The following NOTCH3 variants were observed in gnomAD, a reference collection of about 807,000 sequenced individuals.
The protein encoded by NOTCH3 is neurogenic locus notch homolog protein 3.
A neutral mutation model predicts 213.3 loss-of-function variants in NOTCH3; 86 were observed. The ratio of observed to expected loss-of-function variants is 0.40; its 90% CI spans 0.34 to 0.48. The LOEUF (loss-of-function observed/expected upper bound fraction) is 0.48, where lower values mean the gene tolerates loss of function less well. Among genes scored for constraint, NOTCH3 ranks in the 20% least tolerant of loss-of-function variants. The probability of loss-of-function intolerance (pLI) is 0.57; values close to 1 mark genes in which losing one functional copy is unlikely to be tolerated. For missense variants in NOTCH3, 2,783 were observed against 3,272.6 expected, an observed-to-expected ratio of 0.85 and a Z score of 3.65; for synonymous variants, 1,354 against 1,355.9, an observed-to-expected ratio of 1.00 and a Z score of 0.03.
chr19:15,169,879 G>A (rs2046716284), intron 28 of NOTCH3, among the ~76,000 whole-genome samples: 1 of 152,158 alleles, frequency 6.6e-6, no homozygotes, highest in Non-Finnish European at 1.5e-5. Context: ...GGACCCTTGG[G>A]GCCCCAGTGG....
chr19:15,196,038 GA>G (rs1568363431), intron 2 of NOTCH3, among the ~76,000 whole-genome samples: 1 of 149,950 alleles, frequency 6.7e-6, no homozygotes, highest in Non-Finnish European at 1.5e-5. Flanking sequence ...TGGGTGGGGT[GA>G]CAGCTTGGGG....
At chr19:15,162,610 G>A (rs1408621655) in intron 31 of NOTCH3, 48 bp from the exon 32 acceptor site, 65 of 1,504,218 alleles carry the variant, frequency 4.3e-5, no homozygotes, top group Non-Finnish European at 5.8e-5. Context: ...CTGTCCTGGG[G>A]CCCCCATGTC....
At chr19:15,170,870 G>A (rs754721523) in intron 25 of NOTCH3, 45 bp from the exon 26 acceptor site, 2 of 1,602,418 alleles carry the variant, frequency 1.2e-6, no homozygotes, top group Non-Finnish European at 1.7e-6. Context: ...AAAATTGCCC[G>A]ATGCACCCCC....
intron 24 of NOTCH3, 126 bp downstream of exon 24, chr19:15,177,398 CA>C: frequency 1.2e-6 from 1 of 818,722 alleles, no homozygotes; most frequent in Non-Finnish European, 2.1e-6. Flanking sequence ...CACCGATGGG[CA>C]GATAGAGTGC....
At chr19:15,190,502 A>C (rs2046918586) in intron 6 of NOTCH3, among the ~76,000 whole-genome samples, 1 of 152,138 alleles carries the variant, frequency 6.6e-6, no homozygotes, top group Non-Finnish European at 1.5e-5. Context: ...GCCCTGAGCC[A>C]TGCATCAGTG....
intron 31 of NOTCH3, among the ~76,000 whole-genome samples, chr19:15,164,543 AAAAAAAAAATT>A (rs2046670089): frequency 7.0e-6 from 1 of 141,916 alleles, no homozygotes; most frequent in Non-Finnish European, 1.5e-5. Context: ...CTCTGTCTCA[AAAAAAAAAATT>A]AAAAAAAGGG....
At chr19:15,192,980 C>T (rs150820609) in intron 2 of NOTCH3, among the ~76,000 whole-genome samples, 10 of 152,124 alleles carry the variant, frequency 6.6e-5, no homozygotes, top group Admixed American at 5.2e-4. Context: ...GTACCTACTA[C>T]GTTCTGAGCA....
At chr19:15,180,554 A>T (rs1363173712) in intron 19 of NOTCH3, 127 bp downstream of exon 19, 2 of 1,138,910 alleles carry the variant, frequency 1.8e-6, no homozygotes, top group Non-Finnish European at 2.5e-6. Flanking sequence ...CACCCACACC[A>T]CTCAGCCACA....
In NOTCH3 at chr19:15,185,349, C is replaced by T. The variant is rs772203584; in HGVS notation, c.2204G>A (p.Arg735Gln). ...GCACGGCTGGGACTCACAGGCGTCT[C>T]GGGCCAGGCTCTGGCTGCAGCGGGG... ...SGPRCSQSLA[R>Q]DACESQPCRA... is the part of the protein sequence containing the mutation. Residue 735 changes from arginine (R) to glutamine (Q), a missense_variant, in exon 14 of 33, where the codon CGA becomes CAA. Physicochemically the swap from Arg to Gln is conservative, Grantham distance 43. Transcript: ENST00000263388. This position sits in a 1 kb window ranked among gnomAD's most constrained non-coding sequence, Gnocchi z 4.2. 25 of 1,612,400 alleles carry T rather than the reference C, an allele frequency of 1.6e-5. No individual in the cohort carries two copies. The highest frequency in any genetic ancestry group is 1.2e-4 in the Admixed American group (7 of 59,930).
At chr19:15,164,941 T>G (rs746955170) in intron 31 of NOTCH3, among the ~76,000 whole-genome samples, 4 of 152,078 alleles carry the variant, frequency 2.6e-5, no homozygotes, top group Non-Finnish European at 4.4e-5. Context: ...CCACCGCACA[T>G]GGCTAATCTT....
At chr19:15,167,900 TTTTTTG>T (rs368349496) in intron 28 of NOTCH3, among the ~76,000 whole-genome samples, 116 of 32,832 alleles carry the variant, frequency 3.5e-3, no homozygotes, top group African/African-American at 0.018. Context: ...TTTTTTTTTT[TTTTTTG>T]GTCTTTTTGA....
chr19:15,197,133 G>T (rs2046975107), intron 2 of NOTCH3, among the ~76,000 whole-genome samples: 2 of 152,160 alleles, frequency 1.3e-5, no homozygotes, highest in Non-Finnish European at 2.9e-5. Context: ...CACTGCGATT[G>T]GTCCCTGATA....
Position 15,170,772 on chromosome 19 carries a change from T to C in NOTCH3, c.4790A>G (p.Asn1597Ser), listed in dbSNP as rs2145401896. 1 of 1,613,058 alleles carries C rather than the reference T, an allele frequency of 6.2e-7. No homozygotes were observed. Among genetic ancestry groups the C allele is most frequent in the Non-Finnish European group, 8.5e-7 (1 of 1,179,788 alleles). The change falls in exon 26 of 33, where the codon AAT becomes AGT. Residue 1597 changes from asparagine (N) to serine (S), a missense_variant. Physicochemically the swap from Asn to Ser is conservative, Grantham distance 46. Around this residue, in one of 6 missense-constraint regions of NOTCH3, gnomAD observed 636 missense variants for 801.8 expected, o/e 0.79. Coordinates refer to ENST00000263388, the MANE Select transcript of NOTCH3 (RefSeq NM_000435.3). ...DNRLCLQSPE[N>S]DHCFPDAQSA... Reference sequence around the variant, plus strand: ...CTGGGCATCGGGGAAGCAGTGATCATTCTCAGGCGACTGCAGGCAGAGCCG... The same window carrying C: ...CTGGGCATCGGGGAAGCAGTGATCACTCTCAGGCGACTGCAGGCAGAGCCG...
At chr19:15,187,050 C>T in intron 11 of NOTCH3, 55 bp downstream of exon 11, 1 of 1,606,580 alleles carries the variant, frequency 6.2e-7, no homozygotes, top group South Asian at 1.1e-5. Flanking sequence ...GCACCATTCC[C>T]AAACCCTCTG....
chr19:15,165,575 A>C lies in NOTCH3; in HGVS notation c.5668-60T>G, dbSNP rs1382129072. Reference sequence around the variant, plus strand: ...TGGCAGGAACAGAGGAATCAGGAGCACCCCTAAGTCCCATGAAGTCCCCAA... The same window carrying C: ...TGGCAGGAACAGAGGAATCAGGAGCCCCCCTAAGTCCCATGAAGTCCCCAA... On this transcript the variant is annotated intron_variant, in intron 30 of 32. Coordinates refer to ENST00000263388, the MANE Select transcript of NOTCH3 (RefSeq NM_000435.3). This position sits in a 1 kb window ranked among gnomAD's most constrained non-coding sequence, Gnocchi z 4.7. 1 of 1,583,014 alleles carries C rather than the reference A, an allele frequency of 6.3e-7. No individual in the cohort carries two copies. The highest frequency in any genetic ancestry group is 8.6e-7 in the Non-Finnish European group (1 of 1,167,802).
At chr19:15,183,278 T>C (rs1179865294) in intron 16 of NOTCH3, among the ~76,000 whole-genome samples, 1 of 152,114 alleles carries the variant, frequency 6.6e-6, no homozygotes, top group Non-Finnish European at 1.5e-5. Context: ...AAATATAAAA[T>C]ATTAAATTTA....
intron 28 of NOTCH3, among the ~76,000 whole-genome samples, chr19:15,169,409 C>CT (rs528133159): frequency 0.022 from 3,090 of 142,404 alleles, 88 homozygotes; most frequent in African/African-American, 0.068. Flanking sequence ...TGCTGTGGGA[C>CT]TTTTTTTTTT....
intron 23 of NOTCH3, 123 bp from the exon 24 acceptor site, chr19:15,178,213 CA>C: frequency 1.6e-6 from 1 of 626,730 alleles, no homozygotes; most frequent in Non-Finnish European, 2.7e-6. Flanking sequence ...GAGAAGAGGT[CA>C]AGACTAAGGA....
chr19:15,167,453 G>T (rs781207447), intron 28 of NOTCH3, 42 bp from the exon 29 acceptor site: 1 of 1,592,720 alleles, frequency 6.3e-7, no homozygotes, highest in Non-Finnish European at 8.5e-7. Context: ...TCACCCTTTG[G>T]TGCTGGGGAG....
Sources: gnomAD v4.1 joint callset for allele counts (sites outside exome capture counted in the v4.1 genomes callset) on GRCh38, gnomAD v4.1.1 for gene constraint, gnomAD v4.1.1 regional missense constraint, Gnocchi (gnomAD v3.1) non-coding constraint, MANE v1.5 for transcripts, NCBI Gene and HGNC (gene_info 2026-07-23, HGNC 2026-07-21) for gene names.